The following HPSE2 variants were observed in gnomAD, a reference collection of about 807,000 sequenced individuals.
HPSE2 encodes the protein inactive heparanase-2.
HPSE2 carries 38 observed loss-of-function variants against 60.5 expected under a neutral mutation model. That is an observed-to-expected ratio of 0.63 (90% CI 0.48 to 0.82). The LOEUF is 0.82. Ranked by LOEUF, HPSE2 falls within the 40% of genes least tolerant of loss-of-function variation. The pLI is 0.00. For missense variants in HPSE2, 713 were observed against 740.4 expected, an observed-to-expected ratio of 0.96 and a Z score of 0.43; for synonymous variants, 295 against 293.2, an observed-to-expected ratio of 1.01 and a Z score of -0.06.
At chr10:99,097,010 A>C (rs1176538531) in intron 3 of HPSE2, among the ~76,000 whole-genome samples, 1 of 152,148 alleles carries the variant, frequency 6.6e-6, no homozygotes, top group Non-Finnish European at 1.5e-5. Flanking sequence ...TTCCATCAGG[A>C]GTTATATCAT....
At chr10:98,716,677 C>T (rs964545926) in intron 5 of HPSE2, among the ~76,000 whole-genome samples, 8 of 152,038 alleles carry the variant, frequency 5.3e-5, no homozygotes, top group Admixed American at 1.3e-4. Context: ...GTCAACATGA[C>T]TCCTTGATCT....
chr10:99,288,035 C>T, the HPSE2 span, among the ~76,000 whole-genome samples: 3,326 of 152,048 alleles, frequency 0.022, 117 homozygotes, highest in African/African-American at 0.075. Context: ...GTAGAACTGA[C>T]GTAATAATTT....
intron 2 of HPSE2, 90 bp downstream of exon 2, chr10:99,232,242 CACACACACACACACGA>C (rs1849675362): frequency 7.5e-7 from 1 of 1,332,260 alleles, no homozygotes; most frequent in African/African-American, 1.5e-5. Context: ...CACACACACA[CACACACACACACACGA>C]ACACACAGAC....
Position 98,458,266 on chromosome 10 carries a change from T to C in HPSE2, c.*1308A>G, listed in dbSNP as rs11593448. 19,615 of 152,258 alleles carry C rather than the reference T, an allele frequency of 0.13. 1,399 individuals carry two copies. The highest frequency in any genetic ancestry group is 0.17 in the Non-Finnish European group (11,539 of 68,024). 9.4% of individuals were successfully genotyped at this position (152,258 alleles called of 1,614,324 possible). A position where few individuals can be genotyped will look rare whatever the true frequency, so the allele number is the denominator to read the frequency against. On this transcript the variant is annotated 3_prime_UTR_variant, in exon 12 of 12. Transcript: ENST00000370552. ...TCTCCTCCTTCTAACAAAAGCATCA[T>C]TCCTGTCATTTATCCTGAGAAAGAA...
At chr10:98,990,005 T>C (rs2135337615) in intron 3 of HPSE2, among the ~76,000 whole-genome samples, 2 of 152,268 alleles carry the variant, frequency 1.3e-5, no homozygotes, top group East Asian at 3.9e-4. Context: ...TTGAGACAAG[T>C]GCACAGTGTT....
chr10:98,517,197 G>GGA (rs1393267332), intron 9 of HPSE2, among the ~76,000 whole-genome samples: 12 of 149,290 alleles, frequency 8.0e-5, no homozygotes, highest in Non-Finnish European at 1.6e-4. Context: ...TTGGGTGTGG[G>GGA]GTGGGGGGGG....
intron 2 of HPSE2, among the ~76,000 whole-genome samples, chr10:99,164,510 T>C (rs1846987375): frequency 6.6e-6 from 1 of 151,776 alleles, no homozygotes; most frequent in African/African-American, 2.4e-5. Flanking sequence ...TAACAAAACC[T>C]GGTTCCTTTT....
chr10:99,197,839 T>C (rs991404084), intron 2 of HPSE2, among the ~76,000 whole-genome samples: 1 of 152,086 alleles, frequency 6.6e-6, no homozygotes. Context: ...AGCAGGTGGA[T>C]CACCTGAGAT....
chr10:99,014,859 G>C (rs1467351545), intron 3 of HPSE2, among the ~76,000 whole-genome samples: 1 of 152,106 alleles, frequency 6.6e-6, no homozygotes, highest in Non-Finnish European at 1.5e-5. Context: ...CACAGCAAAA[G>C]AAACTACCAT....
intron 9 of HPSE2, among the ~76,000 whole-genome samples, chr10:98,515,032 A>G (rs1319807530): frequency 6.6e-6 from 1 of 151,872 alleles, no homozygotes; most frequent in Non-Finnish European, 1.5e-5. Flanking sequence ...CCCGTTATAT[A>G]CTGTTTACTT....
At chr10:98,914,054 C>A (rs368074206) in intron 3 of HPSE2, among the ~76,000 whole-genome samples, 18 of 152,232 alleles carry the variant, frequency 1.2e-4, no homozygotes, top group African/African-American at 3.6e-4. Context: ...TTTGGCTGTG[C>A]CCCCACCCAA....
chr10:98,647,654 T>C (rs1356888020), intron 6 of HPSE2, among the ~76,000 whole-genome samples: 1 of 152,200 alleles, frequency 6.6e-6, no homozygotes, highest in Non-Finnish European at 1.5e-5. Flanking sequence ...AAGGCTGATT[T>C]GAGTATTTAG....
At chr10:98,937,132 G>C (rs181314480) in intron 3 of HPSE2, among the ~76,000 whole-genome samples, 1 of 143,808 alleles carries the variant, frequency 7.0e-6, no homozygotes, top group Admixed American at 6.9e-5. Context: ...GAACAGCTCT[G>C]GTCTACAGCT....
At chr10:99,162,159 C>G (rs2133772878) in intron 2 of HPSE2, among the ~76,000 whole-genome samples, 1 of 152,202 alleles carries the variant, frequency 6.6e-6, no homozygotes, top group East Asian at 1.9e-4. Context: ...ATCATACACT[C>G]AAATGGTAAA....
intron 9 of HPSE2, among the ~76,000 whole-genome samples, chr10:98,606,336 G>A (rs779578656): frequency 6.6e-6 from 1 of 152,150 alleles, no homozygotes; most frequent in Non-Finnish European, 1.5e-5. Flanking sequence ...CTCAATTCTG[G>A]CTTCACGTTG....
chr10:99,097,872 C>A (rs1477584810), intron 3 of HPSE2, among the ~76,000 whole-genome samples: 1 of 152,112 alleles, frequency 6.6e-6, no homozygotes. Context: ...AGGACTGAAT[C>A]CCAGATCTTC....
chr10:99,300,131 C>G, the HPSE2 span, among the ~76,000 whole-genome samples: 1 of 152,048 alleles, frequency 6.6e-6, no homozygotes. Context: ...GTCATGAGAT[C>G]AGCATCTGGG....
At chr10:98,776,171 G>A (rs1348582229) in intron 3 of HPSE2, among the ~76,000 whole-genome samples, 6 of 151,776 alleles carry the variant, frequency 4.0e-5, no homozygotes, top group Non-Finnish European at 8.8e-5. Context: ...AGTGGCCCAC[G>A]CCTGTAATCC....
intron 3 of HPSE2, among the ~76,000 whole-genome samples, chr10:99,111,315 T>C (rs1368369886): frequency 1.3e-5 from 2 of 152,206 alleles, no homozygotes; most frequent in Non-Finnish European, 2.9e-5. Flanking sequence ...TCTTTCCATA[T>C]ACACTTTTAT....
Sources: gnomAD v4.1 joint callset for allele counts (sites outside exome capture counted in the v4.1 genomes callset) on GRCh38, gnomAD v4.1.1 for gene constraint, MANE v1.5 for transcripts, NCBI Gene and HGNC (gene_info 2026-07-23, HGNC 2026-07-21) for gene names.